FSTL4: variants seen among roughly 807,000 people sequenced by gnomAD.
FSTL4 encodes the protein follistatin-related protein 4.
A neutral mutation model predicts 78.2 loss-of-function variants in FSTL4; 28 were observed. The ratio of observed to expected loss-of-function variants is 0.36; its 90% confidence interval spans 0.27 to 0.49. The LOEUF (loss-of-function observed/expected upper bound fraction) is 0.49, where lower values mean the gene tolerates loss of function less well. Among genes scored for constraint, FSTL4 ranks in the 20% least tolerant of loss-of-function variants. The probability of loss-of-function intolerance (pLI) is 0.98; values close to 1 mark genes in which losing one functional copy is unlikely to be tolerated. For missense variants in FSTL4, 922 were observed against 1,084.9 expected (o/e 0.85, Z 2.11); for synonymous variants, 422 against 440.5 (o/e 0.96, Z 0.53).
rs143207336 is a variant in FSTL4, at chr5:133,579,985, T to C, written c.127-12766A>G. 5.8e-3 allele frequency among the ~76,000 whole-genome samples: 888 copies of C among 152,220 alleles called. 9 individuals carry two copies. Among genetic ancestry groups the C allele is most frequent in the African/African-American group, 0.019 (809 of 41,530 alleles). On this transcript the variant is annotated intron_variant, in intron 2 of 15. Transcript: ENST00000265342. ...GGCTGGGAGCAGGACTGGGTGCAAG[T>C]GGCGTCTGATTGGGATAAGCTGAAA...
the FSTL4 span, among the ~76,000 whole-genome samples, chr5:133,820,848 C>A: frequency 6.6e-6 from 1 of 152,086 alleles, no homozygotes; most frequent in Non-Finnish European, 1.5e-5. Context: ...GACTTCTCAA[C>A]TTGTTGGAGG....
At chr5:133,699,248 A>G in the FSTL4 span, among the ~76,000 whole-genome samples, 1 of 152,140 alleles carries the variant, frequency 6.6e-6, no homozygotes, top group African/African-American at 2.4e-5. Context: ...TCTGTGCTAG[A>G]TTCCACTTGC....
intron 3 of FSTL4, among the ~76,000 whole-genome samples, chr5:133,410,437 G>A (rs1162875827): frequency 6.6e-6 from 1 of 152,166 alleles, no homozygotes; most frequent in African/African-American, 2.4e-5. Context: ...GCGCCACTAC[G>A]TGGGTTCCTT....
intron 3 of FSTL4, among the ~76,000 whole-genome samples, chr5:133,479,442 G>A (rs1024082451): frequency 1.3e-5 from 2 of 152,252 alleles, no homozygotes; most frequent in Non-Finnish European, 1.5e-5. Flanking sequence ...TAGCCAAAGA[G>A]TGGAAGCAAC....
chr5:133,445,529 A>C (rs1561719569), intron 3 of FSTL4, among the ~76,000 whole-genome samples: 1 of 152,092 alleles, frequency 6.6e-6, no homozygotes, highest in South Asian at 2.1e-4. Context: ...ATGCTGTCTC[A>C]CCCAGGCCCT....
At chr5:133,808,063 T>C in the FSTL4 span, among the ~76,000 whole-genome samples, 1 of 152,214 alleles carries the variant, frequency 6.6e-6, no homozygotes, top group Non-Finnish European at 1.5e-5. Flanking sequence ...AATAGATCCT[T>C]GTTAGATTAC....
intron 4 of FSTL4, among the ~76,000 whole-genome samples, chr5:133,362,609 G>C (rs998196649): frequency 2.0e-5 from 3 of 152,384 alleles, no homozygotes; most frequent in Middle Eastern, 3.4e-3. Context: ...TAGGTCTGGG[G>C]GCTGAGGCCT....
At chr5:133,604,537 G>A (rs901425689) in intron 1 of FSTL4, among the ~76,000 whole-genome samples, 2 of 151,992 alleles carry the variant, frequency 1.3e-5, no homozygotes, top group African/African-American at 2.4e-5. Context: ...GGTGAAACCC[G>A]GTCTCTACTA....
At chr5:133,217,954 A>G (rs1750969893) in intron 12 of FSTL4, among the ~76,000 whole-genome samples, 1 of 152,092 alleles carries the variant, frequency 6.6e-6, no homozygotes, top group South Asian at 2.1e-4. Flanking sequence ...CTTCTCTAAA[A>G]TCCACCCCCT....
rs527945255 is a variant in FSTL4 at position 133,251,533 on chromosome 5, C to T, written c.728-1957G>A. On this transcript the variant is annotated intron_variant, in intron 6 of 15. Coordinates refer to ENST00000265342, the MANE Select transcript of FSTL4 (RefSeq NM_015082.2). ...ACCAGGCCTCCTAGATCACTGCATCCGGACAATGAGACACACCTGCTGCCT... is the reference window on the plus strand; with the variant it reads ...ACCAGGCCTCCTAGATCACTGCATCTGGACAATGAGACACACCTGCTGCCT... 5.3e-5 allele frequency among the ~76,000 whole-genome samples: 8 copies of T among 152,192 alleles called. No homozygotes were observed. In the East Asian group the frequency reaches 5.8e-4, roughly 11 times the overall value.
At chr5:133,496,434 C>A (rs1318631599) in intron 3 of FSTL4, among the ~76,000 whole-genome samples, 3 of 152,154 alleles carry the variant, frequency 2.0e-5, no homozygotes, top group Non-Finnish European at 2.9e-5. Context: ...GACAAAAAAA[C>A]CACAGTTGAC....
At chr5:133,357,996 T>C (rs1754978081) in intron 4 of FSTL4, among the ~76,000 whole-genome samples, 1 of 152,226 alleles carries the variant, frequency 6.6e-6, no homozygotes, top group African/African-American at 2.4e-5. Flanking sequence ...CCAGCCATGC[T>C]AGCCAGTCTG....
At chr5:133,328,738 G>A (rs1427734803) in intron 4 of FSTL4, among the ~76,000 whole-genome samples, 1 of 152,192 alleles carries the variant, frequency 6.6e-6, no homozygotes, top group African/African-American at 2.4e-5. Context: ...AGAAGCAGTA[G>A]TGCTGGACTA....
At position 133,316,471 on chromosome 5, in the gene FSTL4, G is replaced by A. The variant is rs150612886; in HGVS notation, c.591C>T (p.Ser197=). The A allele has an allele frequency of 1.4e-3, 2,336 of 1,613,606 alleles. 3 individuals carry two copies. Among genetic ancestry groups the A allele is most frequent in the Non-Finnish European group, 1.9e-3 (2,201 of 1,179,644 alleles). Residue 197 remains serine, a synonymous_variant, in exon 5 of 16, where the codon TCC becomes TCT. Transcript: ENST00000265342. ...DADGNGHLSS[S]ELAQHVLKKQ... ...ACACGATGCCCACCTGAGCCAGTTC[G>A]GAGCTGCTGAGGTGGCCATTGCCAT... is the stretch of plus-strand genomic sequence containing the variant.
chr5:133,550,594 C>T (rs1426980003), intron 3 of FSTL4, among the ~76,000 whole-genome samples: 1 of 152,184 alleles, frequency 6.6e-6, no homozygotes, highest in Non-Finnish European at 1.5e-5. Context: ...TTAATCCATA[C>T]AACTGCCATA....
chr5:133,323,086 A>G (rs1754114470), intron 4 of FSTL4, among the ~76,000 whole-genome samples: 1 of 152,092 alleles, frequency 6.6e-6, no homozygotes, highest in Non-Finnish European at 1.5e-5. Context: ...AACCTTGTCT[A>G]AGGTCTTCAG....
the FSTL4 span, among the ~76,000 whole-genome samples, chr5:133,799,036 G>C: frequency 1.0e-5 from 1 of 98,008 alleles, no homozygotes; most frequent in South Asian, 3.1e-4. Context: ...GGGGAGGAGA[G>C]AGGGAGGAAG....
chr5:133,412,738 T>C (rs975027248), intron 3 of FSTL4, among the ~76,000 whole-genome samples: 4 of 152,152 alleles, frequency 2.6e-5, no homozygotes, highest in South Asian at 2.1e-4. Flanking sequence ...ATTTTGTGTT[T>C]ATCATTCTTT....
chr5:133,811,536 G>A, the FSTL4 span, among the ~76,000 whole-genome samples: 4 of 151,646 alleles, frequency 2.6e-5, no homozygotes, highest in African/African-American at 9.8e-5. Flanking sequence ...GAGCCGCCTT[G>A]GGCCTGAGAA....
Sources: allele counts gnomAD v4.1 joint callset (sites outside exome capture counted in the v4.1 genomes callset), GRCh38; gene constraint gnomAD v4.1.1; transcripts MANE v1.5; gene names NCBI Gene and HGNC (gene_info 2026-07-23, HGNC 2026-07-21).